Variants in SH3BP4 observed in about 807,000 individuals in gnomAD.
SH3BP4 encodes the protein SH3 domain-binding protein 4.
In SH3BP4, 33 loss-of-function variants were observed where a neutral mutation model predicts 65.5. The observed-to-expected ratio is 0.50, with a 90% CI of 0.38 to 0.67. The LOEUF is 0.67. SH3BP4 is among the 30% of genes least tolerant of loss of function. The pLI is 0.00. For missense variants in SH3BP4, 1,134 were observed against 1,261.4 expected, an observed-to-expected ratio of 0.90 and a Z score of 1.53; for synonymous variants, 552 against 545.5, an observed-to-expected ratio of 1.01 and a Z score of -0.17.
chr2:235,042,556 A>G lies in SH3BP4; in HGVS notation c.1787A>G (p.Asp596Gly). 6.2e-7 allele frequency: 1 copy of G among 1,614,126 alleles called. No individual in the cohort carries two copies. Among genetic ancestry groups the G allele is most frequent in the East Asian group, 2.2e-5 (1 of 44,862 alleles). ...ACGCTGCGGGTTCAGGTGAAGGACG[A>G]CCAGGAGGCCATCCTCACCCAGTTT... Reference protein sequence around the residue: ...DFTLRVQVKDDQEAILTQFCV... With the variant: ...DFTLRVQVKDGQEAILTQFCV... Residue 596 changes from aspartate (D) to glycine (G), a missense_variant, in exon 4 of 6, where the codon GAC becomes GGC. Coordinates refer to ENST00000392011, the MANE Select transcript of SH3BP4 (RefSeq NM_014521.3). This position sits in a 1 kb window ranked among gnomAD's most constrained non-coding sequence, Gnocchi z 7.3.
In SH3BP4 at chr2:235,034,497, C is replaced by T. The variant is rs186701612; in HGVS notation, c.-132-374C>T. Among the ~76,000 whole-genome samples, 10 of 152,222 alleles carry T rather than the reference C, an allele frequency of 6.6e-5. No homozygotes were observed. The highest frequency in any genetic ancestry group is 3.9e-4 in the East Asian group (2 of 5,166). On this transcript the variant is annotated intron_variant, in intron 2 of 5. Transcript: ENST00000392011. This position sits in a 1 kb window ranked among gnomAD's most constrained non-coding sequence, Gnocchi z 6.2. ...AAGCAGAGGCCGATTTTTCCTTTTC[C>T]GAGCCCTGCAGCTAGCAGCATGAAC... is the stretch of plus-strand genomic sequence containing the variant.
chr2:234,957,527 G>GAAA (rs1191336515), intron 1 of SH3BP4, among the ~76,000 whole-genome samples: 1 of 151,318 alleles, frequency 6.6e-6, no homozygotes, highest in Non-Finnish European at 1.5e-5. Context: ...GAGCAGTACT[G>GAAA]AAAAAGGATT....
At chr2:235,028,043 A>G (rs1695059415) in intron 2 of SH3BP4, among the ~76,000 whole-genome samples, 1 of 152,156 alleles carries the variant, frequency 6.6e-6, no homozygotes, top group African/African-American at 2.4e-5. Context: ...GTATGCAGTG[A>G]TGTTGTCTGT....
intron 2 of SH3BP4, among the ~76,000 whole-genome samples, chr2:235,009,125 G>A (rs1443904314): frequency 6.6e-6 from 1 of 152,172 alleles, no homozygotes; most frequent in East Asian, 1.9e-4. Context: ...AGATGGTTCC[G>A]GGTAGAATAT....
rs1443459131 is a variant in SH3BP4, at chr2:235,034,482, C to T, written c.-132-389C>T. ...TCAGCCACTCTGAACAAGCAGAGGC[C>T]GATTTTTCCTTTTCCGAGCCCTGCA... On this transcript the variant is annotated intron_variant, in intron 2 of 5. Transcript: ENST00000392011. The surrounding 1 kb of genome is among the most constrained non-coding windows in gnomAD (Gnocchi z 6.2). Among the ~76,000 whole-genome samples the T allele has an allele frequency of 2.6e-5, 4 of 152,088 alleles. No homozygotes were observed. Among genetic ancestry groups the T allele is most frequent in the Admixed American group, 1.3e-4 (2 of 15,258 alleles).
chr2:234,975,047 G>A (rs1693128923), intron 1 of SH3BP4, among the ~76,000 whole-genome samples: 1 of 152,224 alleles, frequency 6.6e-6, no homozygotes, highest in African/African-American at 2.4e-5. Context: ...GGAGTTTCAG[G>A]AACTGGACAG....
chr2:235,016,212 A>G (rs895865693), intron 2 of SH3BP4, among the ~76,000 whole-genome samples: 3 of 151,932 alleles, frequency 2.0e-5, no homozygotes, highest in Non-Finnish European at 4.4e-5. Flanking sequence ...GCTTGCTGTG[A>G]TGGACGTAAC....
At chr2:235,008,965 G>T (rs754693155) in intron 2 of SH3BP4, among the ~76,000 whole-genome samples, 2 of 152,234 alleles carry the variant, frequency 1.3e-5, no homozygotes, top group East Asian at 3.9e-4. Flanking sequence ...GCTTACAGGG[G>T]CTGGGCTGAC....
At chr2:234,956,825 C>T (rs984484336) in intron 1 of SH3BP4, among the ~76,000 whole-genome samples, 1 of 152,018 alleles carries the variant, frequency 6.6e-6, no homozygotes, top group Non-Finnish European at 1.5e-5. Context: ...TCCCAAAGCA[C>T]TGGGCTTACA....
intron 4 of SH3BP4, among the ~76,000 whole-genome samples, chr2:235,047,998 A>C (rs1256900287): frequency 6.6e-6 from 1 of 152,140 alleles, no homozygotes; most frequent in Non-Finnish European, 1.5e-5. Flanking sequence ...GGAAGCTAGC[A>C]AGTGCATGGG....
chr2:234,988,122 T>C (rs1360869189), intron 1 of SH3BP4, among the ~76,000 whole-genome samples: 2 of 152,196 alleles, frequency 1.3e-5, no homozygotes, highest in South Asian at 2.1e-4. Flanking sequence ...TGCGGTGGTG[T>C]AATCCCGCCT....
rs755864623 is a variant in SH3BP4 at position 235,053,962 on chromosome 2, G to A, written c.*146G>A. On this transcript the variant is annotated 3_prime_UTR_variant, in exon 6 of 6. Transcript: ENST00000392011. ...GCCAGCTAGGCTACACCCATCATGC[G>A]CCGCCCTCCTCCATCGAGGGAGAGG... 3.3e-5 allele frequency: 21 copies of A among 633,876 alleles called. 1 individual carries two copies. Among genetic ancestry groups the A allele is most frequent in the South Asian group, 2.7e-4 (14 of 52,430 alleles). The allele number at this position is 633,876 out of a possible 1,614,324, so 39.3% of individuals were successfully genotyped here.
At chr2:235,040,090 C>G (rs1695585123) in intron 3 of SH3BP4, among the ~76,000 whole-genome samples, 1 of 152,066 alleles carries the variant, frequency 6.6e-6, no homozygotes, top group Admixed American at 6.6e-5. Flanking sequence ...CAAAAATTAG[C>G]CAGGCATGGT....
At chr2:234,965,694 G>T (rs966096225) in intron 1 of SH3BP4, among the ~76,000 whole-genome samples, 37 of 152,124 alleles carry the variant, frequency 2.4e-4, no homozygotes, top group African/African-American at 7.5e-4. Flanking sequence ...GAAGATGGGG[G>T]TTTTTTTCAT....
Position 235,052,478 on chromosome 2 carries a change from T to A in SH3BP4, c.2479-84T>A. 8.8e-7 allele frequency: 1 copy of A among 1,130,676 alleles called. No individual in the cohort carries two copies. The highest frequency in any genetic ancestry group is 1.2e-6 in the Non-Finnish European group (1 of 815,720). The allele number at this position is 1,130,676 out of a possible 1,614,324, so 70.0% of individuals were successfully genotyped here. ...AGAATAGAGAGCCCATGGCCATTCC[T>A]GCGCCGTCTGCTGGAATTCTGCGGG... On this transcript the variant is annotated intron_variant, in intron 4 of 5. Coordinates refer to ENST00000392011, the MANE Select transcript of SH3BP4 (RefSeq NM_014521.3). This position sits in a 1 kb window ranked among gnomAD's most constrained non-coding sequence, Gnocchi z 5.0.
At chr2:234,972,465 G>A (rs1456321568) in intron 1 of SH3BP4, among the ~76,000 whole-genome samples, 3 of 151,834 alleles carry the variant, frequency 2.0e-5, no homozygotes, top group Non-Finnish European at 4.4e-5. Context: ...TTTTTTGGTA[G>A]AGATGGAGGA....
chr2:234,954,898 C>T (rs1692553215), intron 1 of SH3BP4, among the ~76,000 whole-genome samples: 1 of 152,160 alleles, frequency 6.6e-6, no homozygotes, highest in South Asian at 2.1e-4. Context: ...CCCTGGCAGA[C>T]CTCGTCCCTG....
In SH3BP4 at chr2:235,043,106, G is replaced by C; in HGVS notation, c.2337G>C (p.Val779=). ...CCTTCGCTGACGCCCTGGGCTACGT[G>C]AACCTGCCGCTCACCTTTTTCTGCC... ...WRSFADALGY[V]NLPLTFFCRA... The change falls in exon 4 of 6, where the codon GTG becomes GTC. Residue 779 remains valine (V), a synonymous_variant. Coordinates refer to ENST00000392011, the MANE Select transcript of SH3BP4 (RefSeq NM_014521.3). The C allele has an allele frequency of 4.3e-6, 7 of 1,613,676 alleles. No homozygotes were observed. The highest frequency in any genetic ancestry group is 5.9e-6 in the Non-Finnish European group (7 of 1,179,998).
At position 234,965,673 on chromosome 2, in the gene SH3BP4, C is replaced by T. The variant is rs10170159; in HGVS notation, c.-207+13503C>T. Among the ~76,000 whole-genome samples, 1,318 of 152,042 alleles carry T rather than the reference C, an allele frequency of 8.7e-3. 20 individuals carry two copies. Among genetic ancestry groups the T allele is most frequent in the African/African-American group, 0.03 (1,263 of 41,466 alleles). ...CTGCTTGCTAAATTGGGAGTGGGATCGTTATTCTGGGAAGATGGGGGTTTT... is the reference window on the plus strand; with the variant it reads ...CTGCTTGCTAAATTGGGAGTGGGATTGTTATTCTGGGAAGATGGGGGTTTT... On this transcript the variant is annotated intron_variant, in intron 1 of 5. Coordinates refer to ENST00000392011, the MANE Select transcript of SH3BP4 (RefSeq NM_014521.3).
Sources: gnomAD v4.1 joint callset for allele counts (sites outside exome capture counted in the v4.1 genomes callset) on GRCh38, gnomAD v4.1.1 for gene constraint, Gnocchi (gnomAD v3.1) non-coding constraint, MANE v1.5 for transcripts, NCBI Gene and HGNC (gene_info 2026-07-23, HGNC 2026-07-21) for gene names.